The following ZXDC variants were observed in gnomAD, a reference collection of about 807,000 sequenced individuals.
ZXDC encodes ZXD family zinc finger C.
A neutral mutation model predicts 63.6 loss-of-function variants in ZXDC; 58 were observed. The observed-to-expected ratio is 0.91, with a 90% CI of 0.74 to 1.13. ZXDC has a LOEUF of 1.13. Among genes scored for constraint, ZXDC ranks in the 50% most tolerant of loss-of-function variants. ZXDC has a pLI of 0.00. For missense variants in ZXDC, 1,133 were observed against 1,148.9 expected (o/e 0.99, Z 0.20); for synonymous variants, 561 against 496.1 (o/e 1.13, Z -1.74).
At chr3:126,455,782 G>C (rs1934280955) in intron 7 of ZXDC, among the ~76,000 whole-genome samples, 1 of 152,256 alleles carries the variant, frequency 6.6e-6, no homozygotes, top group Non-Finnish European at 1.5e-5. Flanking sequence ...CGGATCACAA[G>C]GTCAGGAGAT....
intron 5 of ZXDC, 23 bp downstream of exon 5, chr3:126,466,132 T>C (rs946150270): frequency 1.9e-6 from 3 of 1,600,106 alleles, no homozygotes; most frequent in Non-Finnish European, 8.5e-7. Context: ...CAGCTCCCCA[T>C]GGGGGCCGTG....
intron 6 of ZXDC, chr3:126,460,430 G>A (rs1374820878): frequency 7.1e-6 from 7 of 979,718 alleles, no homozygotes; most frequent in Non-Finnish European, 8.5e-6. Context: ...GTAGCCCAAC[G>A]TCACACAGCT....
At chr3:126,456,770 C>T (rs1337045972) in intron 7 of ZXDC, among the ~76,000 whole-genome samples, 2 of 152,142 alleles carry the variant, frequency 1.3e-5, no homozygotes, top group Non-Finnish European at 2.9e-5. Flanking sequence ...TCTTAGGGAC[C>T]CCCAAGCCCC....
At chr3:126,452,357 T>A (rs1423378887) in intron 7 of ZXDC, 2 of 985,346 alleles carry the variant, frequency 2.0e-6, no homozygotes, top group Admixed American at 1.2e-4. Flanking sequence ...GAGAGGCTTC[T>A]CTTTCCTTCA....
intron 3 of ZXDC, among the ~76,000 whole-genome samples, chr3:126,471,236 C>A (rs1009519707): frequency 6.6e-6 from 1 of 152,202 alleles, no homozygotes; most frequent in Admixed American, 6.5e-5. Context: ...AAGCTGACCC[C>A]AGAGTCACAC....
At chr3:126,464,477 G>A (rs757451245) in intron 5 of ZXDC, among the ~76,000 whole-genome samples, 2 of 152,186 alleles carry the variant, frequency 1.3e-5, no homozygotes, top group Non-Finnish European at 2.9e-5. Context: ...TTCACTAGAC[G>A]AAAGGGTGAC....
chr3:126,444,362 C>T (rs1933799449), intron 7 of ZXDC, among the ~76,000 whole-genome samples: 1 of 152,098 alleles, frequency 6.6e-6, no homozygotes, highest in South Asian at 2.1e-4. Context: ...GAAACCTCGT[C>T]TCTACTAAAA....
At chr3:126,442,112 G>C in intron 7 of ZXDC, 166 bp from the exon 8 acceptor site, 1 of 707,306 alleles carries the variant, frequency 1.4e-6, no homozygotes, top group Non-Finnish European at 2.0e-6. Context: ...TTAAGAGGTT[G>C]AAACAAACAA....
intron 7 of ZXDC, among the ~76,000 whole-genome samples, chr3:126,447,596 C>T (rs974148207): frequency 6.6e-6 from 1 of 152,178 alleles, no homozygotes; most frequent in Non-Finnish European, 1.5e-5. Context: ...GTTTGGTTTA[C>T]CATTCCTCCA....
At chr3:126,460,646 G>A (rs1436484467) in intron 6 of ZXDC, 7 of 985,056 alleles carry the variant, frequency 7.1e-6, no homozygotes, top group Non-Finnish European at 8.4e-6. Context: ...AACTACTATG[G>A]CCGCCTAAGC....
chr3:126,441,265 G>A (rs1576658496), intron 8 of ZXDC: 2 of 986,676 alleles, frequency 2.0e-6, no homozygotes, highest in Admixed American at 6.1e-5. Flanking sequence ...CTGTTTCGTA[G>A]GAAAGAAAAT....
At chr3:126,449,880 G>A (rs1934031217) in intron 7 of ZXDC, among the ~76,000 whole-genome samples, 1 of 152,210 alleles carries the variant, frequency 6.6e-6, no homozygotes. Context: ...AAACAAGAAA[G>A]GCGTCAAAGT....
intron 7 of ZXDC, among the ~76,000 whole-genome samples, chr3:126,446,472 T>A (rs1054594109): frequency 1.2e-4 from 19 of 152,120 alleles, no homozygotes; most frequent in Non-Finnish European, 2.9e-5. Flanking sequence ...CAGCATGCCA[T>A]CCCCACACCA....
chr3:126,459,059 T>C (rs981533065), intron 7 of ZXDC: 1 of 985,258 alleles, frequency 1.0e-6, no homozygotes, highest in Non-Finnish European at 1.2e-6. Context: ...CCACTGTTAG[T>C]TTTTAGAAAA....
intron 7 of ZXDC, chr3:126,457,320 G>A (rs1465282456): frequency 2.0e-6 from 2 of 985,330 alleles, no homozygotes; most frequent in Non-Finnish European, 2.4e-6. Flanking sequence ...GACACACAGA[G>A]GAGCGCTGTG....
chr3:126,461,974 A>G lies in ZXDC; in HGVS notation c.1688T>C (p.Met563Thr). The G allele has an allele frequency of 6.2e-7, 1 of 1,614,148 alleles. No homozygotes were observed. Among genetic ancestry groups the G allele is most frequent in the African/African-American group, 1.3e-5 (1 of 75,034 alleles). The change falls in exon 6 of 10, where the codon ATG becomes ACG. Residue 563 changes from methionine to threonine, a missense_variant. Met to Thr is a moderately conservative substitution (Grantham distance 81). Coordinates refer to ENST00000389709, the MANE Select transcript of ZXDC (RefSeq NM_025112.5). ...GTGGGCCACCAGGACCAGGGGTTCCATCGGCCCTAGGGAGCTATTATTAGC... is the reference window on the plus strand; with the variant it reads ...GTGGGCCACCAGGACCAGGGGTTCCGTCGGCCCTAGGGAGCTATTATTAGC... Reference protein sequence around the residue: ...LPANNSSLGPMEPLVLVAHSD... With the variant: ...LPANNSSLGPTEPLVLVAHSD...
At chr3:126,457,578 C>T (rs1391798476) in intron 7 of ZXDC, 1 of 985,382 alleles carries the variant, frequency 1.0e-6, no homozygotes, top group Non-Finnish European at 1.2e-6. Context: ...GTATTTAAAC[C>T]AATGAGTGCA....
intron 5 of ZXDC, among the ~76,000 whole-genome samples, chr3:126,464,543 G>A (rs1365320907): frequency 6.6e-6 from 1 of 152,156 alleles, no homozygotes; most frequent in Non-Finnish European, 1.5e-5. Context: ...ATAAGTCATT[G>A]TCACACAGGA....
Position 126,437,733 on chromosome 3 carries a change from G to A in ZXDC, c.*642C>T, listed in dbSNP as rs15058. On this transcript the variant is annotated 3_prime_UTR_variant, in exon 10 of 10. Transcript: ENST00000389709. Reference sequence around the variant, plus strand: ...TAAATTTTAACTCTACCATCCCCCCGAGCTCTCGGCTATGAATTTAGTCTG... The same window carrying A: ...TAAATTTTAACTCTACCATCCCCCCAAGCTCTCGGCTATGAATTTAGTCTG... 0.055 allele frequency: 8,339 copies of A among 152,162 alleles called. 321 individuals are homozygous for A. Among genetic ancestry groups the A allele is most frequent in the Middle Eastern group, 0.085 (25 of 294 alleles). The allele number at this position is 152,162 out of a possible 1,614,324, so 9.4% of individuals were successfully genotyped here. A position where few individuals can be genotyped will look rare whatever the true frequency, so the allele number is the denominator to read the frequency against.
Sources: gnomAD v4.1 joint callset for allele counts (sites outside exome capture counted in the v4.1 genomes callset) on GRCh38, gnomAD v4.1.1 for gene constraint, MANE v1.5 for transcripts, NCBI Gene and HGNC (gene_info 2026-07-23, HGNC 2026-07-21) for gene names.